SALL1: variants seen among roughly 807,000 people sequenced by gnomAD.
SALL1 encodes the protein spalt like transcription factor 1.
A neutral mutation model predicts 73.1 loss-of-function variants in SALL1; 10 were observed. The ratio of observed to expected loss-of-function variants is 0.14; its 90% CI spans 0.08 to 0.23. SALL1 has a LOEUF of 0.23. Ranked by LOEUF, SALL1 falls within the 10% of genes least tolerant of loss-of-function variation. The pLI is 1.00. For missense variants in SALL1, 1,520 were observed against 1,697.3 expected (o/e 0.90, Z 1.84); for synonymous variants, 688 against 689.8 (o/e 1.00, Z 0.04).
rs759165589 is a variant in SALL1, at chr16:51,140,903, C to T, written c.1319G>A (p.Ser440Asn). ...TTTGAAGAATGCCTCATCGGAAGTA[C>T]TTTTCGCTTCAAAGGCAGTGACATT... ...PPNVTAFEAK[S>N]TSDEAFFKHK... The change falls in exon 2 of 3, where the codon AGT becomes AAT. Residue 440 changes from serine (S) to asparagine (N), a missense_variant. Coordinates refer to ENST00000251020, the MANE Select transcript of SALL1 (RefSeq NM_002968.3). This position sits in a 1 kb window ranked among gnomAD's most constrained non-coding sequence, Gnocchi z 5.7. The T allele has an allele frequency of 2.5e-6, 4 of 1,614,202 alleles. No homozygotes were observed. Among genetic ancestry groups the T allele is most frequent in the Admixed American group, 1.7e-5 (1 of 60,030 alleles).
At position 51,138,945 on chromosome 16, in the gene SALL1, C is replaced by T. The variant is rs371314603; in HGVS notation, c.3277G>A (p.Val1093Met). The change falls in exon 2 of 3, where the codon GTG (valine) becomes ATG (methionine). Residue 1093 changes from valine to methionine, a missense_variant. Coordinates refer to ENST00000251020, the MANE Select transcript of SALL1 (RefSeq NM_002968.3). ...SLIKTEVNGF[V>M]HVSPQDSKDT... ...TTACTGTCCTGAGGAGAAACATGCACGAAGCCGTTGACCTCTGTCTTGATG... is the reference window on the plus strand; with the variant it reads ...TTACTGTCCTGAGGAGAAACATGCATGAAGCCGTTGACCTCTGTCTTGATG... The T allele has an allele frequency of 1.7e-5, 27 of 1,613,980 alleles. No individual in the cohort carries two copies. Among genetic ancestry groups the T allele is most frequent in the South Asian group, 2.2e-5 (2 of 91,088 alleles).
Position 51,136,060 on chromosome 16 carries a change from A to C in SALL1, c.*1052T>G, listed in dbSNP as rs542420797. 2 of 152,780 alleles carry C rather than the reference A, an allele frequency of 1.3e-5. No individual in the cohort carries two copies. The highest frequency in any genetic ancestry group is 4.8e-5 in the African/African-American group (2 of 41,578). The allele number at this position is 152,780 out of a possible 1,614,324, so 9.5% of individuals were successfully genotyped here. On this transcript the variant is annotated 3_prime_UTR_variant, in exon 3 of 3. Coordinates refer to ENST00000251020, the MANE Select transcript of SALL1 (RefSeq NM_002968.3). Reference sequence around the variant, plus strand: ...AGTATCTCTGTTGTTAGTAAGTATTAAATGTTAAAGAAATTGGACCCCCCC... The same window carrying C: ...AGTATCTCTGTTGTTAGTAAGTATTCAATGTTAAAGAAATTGGACCCCCCC...
chr16:51,139,957 G>C lies in SALL1; in HGVS notation c.2265C>G (p.Val755=), dbSNP rs1265877496. 1.2e-6 allele frequency: 2 copies of C among 1,614,098 alleles called. No individual in the cohort carries two copies. Among genetic ancestry groups the C allele is most frequent in the Admixed American group, 3.3e-5 (2 of 60,006 alleles). The change falls in exon 2 of 3, where the codon GTC becomes GTG. Residue 755 remains valine (V), a synonymous_variant. Coordinates refer to ENST00000251020, the MANE Select transcript of SALL1 (RefSeq NM_002968.3). ...TKGNLKTHYS[V]HRAMPPLRVQ... is the part of the protein sequence containing the mutation. ...CTCTGAGCGGGGGCATAGCACGATG[G>C]ACACTGTAGTGGGTTTTAAGATTCC...
rs774483464 is a variant in SALL1, at chr16:51,142,003, G to T, written c.219C>A (p.Ile73=). The stretch of plus-strand genomic sequence containing the variant: ...GTGGGGAGGCTGGATTTTCATTTAC[G>T]ATTAAAACTAATTGATTTTTAGTAC... ...KNCTKNQLVL[I]VNENPASPPE... is the part of the protein sequence containing the mutation. The change falls in exon 2 of 3, where the codon ATC becomes ATA. Residue 73 remains isoleucine (I), a synonymous_variant. Transcript: ENST00000251020. 1.9e-6 allele frequency: 3 copies of T among 1,614,012 alleles called. No homozygotes were observed. The highest frequency in any genetic ancestry group is 8.5e-7 in the Non-Finnish European group (1 of 1,179,994).
chr16:51,137,361 G>T lies in SALL1; in HGVS notation c.3726C>A (p.Ser1242=), dbSNP rs1281537761. The change falls in exon 3 of 3, where the codon TCC becomes TCA. Residue 1242 remains serine (S), a synonymous_variant. Transcript: ENST00000251020. ...CGTTGGCCTTCATCGCCAGCCCGTT[G>T]GAGAGCGCTGCTGCATACTGATTCC... is the stretch of plus-strand genomic sequence containing the variant. The part of the protein sequence containing the change: ...SFWNQYAAAL[S]NGLAMKANEI... 1 of 1,614,018 alleles carries T rather than the reference G, an allele frequency of 6.2e-7. No homozygotes were observed. The highest frequency in any genetic ancestry group is 1.3e-5 in the African/African-American group (1 of 74,886).
Position 51,140,507 on chromosome 16 carries a change from G to C in SALL1, c.1715C>G (p.Thr572Arg), listed in dbSNP as rs373471563. 6.2e-7 allele frequency: 1 copy of C among 1,613,862 alleles called. No homozygotes were observed. The highest frequency in any genetic ancestry group is 1.3e-5 in the African/African-American group (1 of 74,900). ...GATGGGGATGGGGGCTGGCTCTTCC[G>C]TCTTGATGAAGGGTATGAGGCTTGG... Reference protein sequence around the residue: ...TLPSLIPFIKTEEPAPIPISH... With the variant: ...TLPSLIPFIKREEPAPIPISH... The change falls in exon 2 of 3, where the codon ACG (threonine) becomes AGG (arginine). Residue 572 changes from threonine to arginine, a missense_variant. Physicochemically the swap from Thr to Arg is moderately conservative, Grantham distance 71. This residue lies in a region of SALL1 where 276 missense variants were observed against 259.1 expected (regional missense o/e 1.07). Coordinates refer to ENST00000251020, the MANE Select transcript of SALL1 (RefSeq NM_002968.3). This position sits in a 1 kb window ranked among gnomAD's most constrained non-coding sequence, Gnocchi z 5.7.
chr16:51,152,026 A>T (rs1962628634), upstream of SALL1: 1 of 140,494 alleles, frequency 7.1e-6, no homozygotes, highest in Non-Finnish European at 1.5e-5. Context: ...AAAAAAAAAT[A>T]AGCGAGTGGG....
At chr16:51,147,453 T>C (rs1302558758) in intron 1 of SALL1, among the ~76,000 whole-genome samples, 1 of 152,188 alleles carries the variant, frequency 6.6e-6, no homozygotes, top group Non-Finnish European at 1.5e-5. Flanking sequence ...GTGTTGGTTT[T>C]TTTTAAAAAA....
At chr16:51,150,480 C>A in intron 1 of SALL1, 1 of 985,688 alleles carries the variant, frequency 1.0e-6, no homozygotes, top group Non-Finnish European at 1.2e-6. Context: ...TCCGTTTGCA[C>A]CGTCTCCGGA....
chr16:51,139,852 T>C lies in SALL1; in HGVS notation c.2370A>G (p.Gly790=), dbSNP rs1962384541. Residue 790 remains glycine (G), a synonymous_variant, in exon 2 of 3, where the codon GGA becomes GGG. Transcript: ENST00000251020. ...GGACTGGGGTGTTGGGGATCTGGCC[T>C]CCCATATGCATTCGGATGTGCTGCT... is the stretch of plus-strand genomic sequence containing the variant. The part of the protein sequence containing the change: ...VLQQHIRMHM[G]GQIPNTPVPD... 6.2e-7 allele frequency: 1 copy of C among 1,614,176 alleles called. No homozygotes were observed. The highest frequency in any genetic ancestry group is 8.5e-7 in the Non-Finnish European group (1 of 1,180,042).
Position 51,141,421 on chromosome 16 carries a change from A to T in SALL1, c.801T>A (p.Ser267=), listed in dbSNP as rs745771993. 5.6e-6 allele frequency: 9 copies of T among 1,614,156 alleles called. No homozygotes were observed. In the South Asian group the frequency reaches 9.9e-5, roughly 18 times the overall value. ...LASQNADLPT[S]SSPSQGTLRT... ...GTAAAGTACCTTGAGAAGGACTAGAAGATGTTGGCAAGTCTGCATTCTGAG... is the reference window on the plus strand; with the variant it reads ...GTAAAGTACCTTGAGAAGGACTAGATGATGTTGGCAAGTCTGCATTCTGAG... Residue 267 remains serine (S), a synonymous_variant, in exon 2 of 3, where the codon TCT becomes TCA. Transcript: ENST00000251020. The surrounding 1 kb of genome is among the most constrained non-coding windows in gnomAD (Gnocchi z 5.4).
chr16:51,146,827 G>A (rs1962525059), intron 1 of SALL1, among the ~76,000 whole-genome samples: 1 of 151,990 alleles, frequency 6.6e-6, no homozygotes, highest in Non-Finnish European at 1.5e-5. Flanking sequence ...TTTGGGGGGA[G>A]GGGTGTTAGT....
chr16:51,141,131 T>C lies in SALL1; in HGVS notation c.1091A>G (p.His364Arg). 6.2e-7 allele frequency: 1 copy of C among 1,614,208 alleles called. No homozygotes were observed. Among genetic ancestry groups the C allele is most frequent in the Non-Finnish European group, 8.5e-7 (1 of 1,180,030 alleles). ...EKVASSAGAS[H>R]VSNPAVSSSS... ...TGATGAGACCGCTGGGTTGCTGACA[T>C]GGGAGGCCCCAGCACTTGAAGCCAC... Residue 364 changes from histidine (H) to arginine (R), a missense_variant, in exon 2 of 3, where the codon CAT becomes CGT. Physicochemically the swap from His to Arg is conservative, Grantham distance 29 (BLOSUM62 0). Transcript: ENST00000251020. The surrounding 1 kb of genome is among the most constrained non-coding windows in gnomAD (Gnocchi z 5.4).
Position 51,139,822 on chromosome 16 carries a change from G to A in SALL1, c.2400C>T (p.Asp800=). 1 of 1,614,216 alleles carries A rather than the reference G, an allele frequency of 6.2e-7. No individual in the cohort carries two copies. Among genetic ancestry groups the A allele is most frequent in the Non-Finnish European group, 8.5e-7 (1 of 1,180,046 alleles). The stretch of plus-strand genomic sequence containing the variant: ...CAGACTCCATGGACTCAGAGTAGCT[G>A]TCGGGGACTGGGGTGTTGGGGATCT... The part of the protein sequence containing the change: ...GGQIPNTPVP[D]SYSESMESDT... Residue 800 remains aspartate, a synonymous_variant, in exon 2 of 3, where the codon GAC becomes GAT. Coordinates refer to ENST00000251020, the MANE Select transcript of SALL1 (RefSeq NM_002968.3).
At chr16:51,137,842 T>C (rs1346139004) in intron 2 of SALL1, among the ~76,000 whole-genome samples, 1 of 152,182 alleles carries the variant, frequency 6.6e-6, no homozygotes, top group Non-Finnish European at 1.5e-5. Flanking sequence ...ATTTAGCTTA[T>C]AATGGCCTCA....
rs1350143999 is a variant in SALL1, at chr16:51,139,557, C to T, written c.2665G>A (p.Glu889Lys). The stretch of plus-strand genomic sequence containing the variant: ...ACATCCCCCTCGATGGACCCATTCT[C>T]CACTGACTTCAGGCTGGCCTGTAGC... The part of the protein sequence containing the change: ...EQLQASLKSV[E>K]NGSIEGDVLT... The change falls in exon 2 of 3, where the codon GAG becomes AAG. Residue 889 changes from glutamate to lysine, a missense_variant. Transcript: ENST00000251020. 2.5e-6 allele frequency: 4 copies of T among 1,614,108 alleles called. No homozygotes were observed. The African/African-American group carries it at 5.3e-5, about 22-fold the overall frequency.
chr16:51,146,195 T>C (rs1962515652), intron 1 of SALL1, among the ~76,000 whole-genome samples: 1 of 152,168 alleles, frequency 6.6e-6, no homozygotes, highest in Admixed American at 6.5e-5. Flanking sequence ...TCACTCACTG[T>C]TCTGACGGGG....
chr16:51,146,429 G>C (rs973913705), intron 1 of SALL1, among the ~76,000 whole-genome samples: 2 of 152,102 alleles, frequency 1.3e-5, no homozygotes, highest in Non-Finnish European at 2.9e-5. Flanking sequence ...TTGCAGTGAC[G>C]CGTAAAAAAG....
intron 1 of SALL1, among the ~76,000 whole-genome samples, chr16:51,149,990 A>AG (rs1962573110): frequency 6.6e-6 from 1 of 152,116 alleles, no homozygotes; most frequent in Non-Finnish European, 1.5e-5. Context: ...CACAGCCGAG[A>AG]GGCCAGCATC....
Sources: gnomAD v4.1 joint callset for allele counts (sites outside exome capture counted in the v4.1 genomes callset) on GRCh38, gnomAD v4.1.1 for gene constraint, gnomAD v4.1.1 regional missense constraint, Gnocchi (gnomAD v3.1) non-coding constraint, MANE v1.5 for transcripts, NCBI Gene and HGNC (gene_info 2026-07-23, HGNC 2026-07-21) for gene names.